Variants in SERTM1 observed in about 807,000 individuals in gnomAD.
The protein encoded by SERTM1 is serine-rich and transmembrane domain-containing protein 1.
Under a neutral mutation model 5.5 loss-of-function variants are expected in SERTM1, and 1 was observed. That is an observed-to-expected ratio of 0.18 (90% CI 0.06 to 0.86). The LOEUF (loss-of-function observed/expected upper bound fraction) is 0.86, where lower values mean the gene tolerates loss of function less well. Ranked by LOEUF, SERTM1 falls within the 40% of genes least tolerant of loss-of-function variation. The pLI, the probability that SERTM1 is intolerant of heterozygous loss-of-function variation, is 0.69. For missense variants in SERTM1, 91 were observed against 122.4 expected, an observed-to-expected ratio of 0.74 and a Z score of 1.21; for synonymous variants, 52 against 55.1, an observed-to-expected ratio of 0.94 and a Z score of 0.25.
chr13:36,676,265 C>T (rs757004002), intron 1 of SERTM1, among the ~76,000 whole-genome samples: 4 of 151,624 alleles, frequency 2.6e-5, no homozygotes, highest in Non-Finnish European at 4.4e-5. Flanking sequence ...TGGAGTTATA[C>T]GTTCATTATA....
rs2056813358 is a variant in SERTM1, at chr13:36,696,286, T to A, written c.*884T>A. ...ATACAGTAATAACTCTTAGCTGTCG[T>A]GTAAGTTCCTTTATTCGGTTTCATA... On this transcript the variant is annotated 3_prime_UTR_variant, in exon 2 of 2. Transcript: ENST00000315190. 6.0e-6 allele frequency: 1 copy of A among 166,868 alleles called. No homozygotes were observed. The highest frequency in any genetic ancestry group is 1.5e-5 in the Non-Finnish European group (1 of 68,116). 10.3% of individuals were successfully genotyped at this position (166,868 alleles called of 1,614,324 possible).
At position 36,695,600 on chromosome 13, in the gene SERTM1, C is replaced by T; in HGVS notation, c.*198C>T. 1.6e-6 allele frequency: 1 copy of T among 611,470 alleles called. No individual in the cohort carries two copies. The highest frequency in any genetic ancestry group is 2.9e-6 in the Non-Finnish European group (1 of 339,306). 37.9% of individuals were successfully genotyped at this position (611,470 alleles called of 1,614,324 possible). A position where few individuals can be genotyped will look rare whatever the true frequency, so the allele number is the denominator to read the frequency against. ...ACACCGATGTTGGTGGAAATGTGTG[C>T]AAACCCCAAGGTGCAGAATTTCACA... On this transcript the variant is annotated 3_prime_UTR_variant, in exon 2 of 2. Coordinates refer to ENST00000315190, the MANE Select transcript of SERTM1 (RefSeq NM_203451.3).
At chr13:36,686,821 T>C (rs548476950) in intron 1 of SERTM1, among the ~76,000 whole-genome samples, 1 of 152,270 alleles carries the variant, frequency 6.6e-6, no homozygotes, top group East Asian at 1.9e-4. Flanking sequence ...GGATCTTACA[T>C]TGAGGATCCT....
At chr13:36,690,030 C>A (rs937112481) in intron 1 of SERTM1, among the ~76,000 whole-genome samples, 1 of 152,048 alleles carries the variant, frequency 6.6e-6, no homozygotes, top group Non-Finnish European at 1.5e-5. Context: ...TTTTATCCAC[C>A]AAAGTACTAT....
At chr13:36,684,280 G>A (rs2056726042) in intron 1 of SERTM1, among the ~76,000 whole-genome samples, 1 of 151,362 alleles carries the variant, frequency 6.6e-6, no homozygotes, top group Non-Finnish European at 1.5e-5. Flanking sequence ...CTGGGCGACA[G>A]AGCGAGACTC....
At position 36,674,089 on chromosome 13, in the gene SERTM1, A is replaced by T. The variant is rs2056654717; in HGVS notation, c.-269A>T. 6.6e-6 allele frequency: 1 copy of T among 152,198 alleles called. No individual in the cohort carries two copies. Among genetic ancestry groups the T allele is most frequent in the Non-Finnish European group, 1.5e-5 (1 of 68,068 alleles). The allele number at this position is 152,198 out of a possible 1,614,324, so 9.4% of individuals were successfully genotyped here. A position where few individuals can be genotyped will look rare whatever the true frequency, so the allele number is the denominator to read the frequency against. On this transcript the variant is annotated 5_prime_UTR_variant, in exon 1 of 2. Transcript: ENST00000315190. ...CGCGCCGCTGCGCCCAACATTCCCG[A>T]GGACGGCTTCGCGGGCGCGTATCGT...
At chr13:36,680,181 C>T (rs535531349) in intron 1 of SERTM1, among the ~76,000 whole-genome samples, 43 of 152,280 alleles carry the variant, frequency 2.8e-4, no homozygotes, top group African/African-American at 8.9e-4. Context: ...GCAAAACTGT[C>T]GTTCTAACAA....
chr13:36,679,632 C>T (rs2056691025), intron 1 of SERTM1, among the ~76,000 whole-genome samples: 1 of 152,120 alleles, frequency 6.6e-6, no homozygotes, highest in Non-Finnish European at 1.5e-5. Context: ...GTCTTGAACT[C>T]CTGACTTCAA....
rs768127097 is a variant in SERTM1, at chr13:36,695,446, C to A, written c.*44C>A. 3.4e-6 allele frequency: 5 copies of A among 1,465,974 alleles called. No homozygotes were observed. The highest frequency in any genetic ancestry group is 3.6e-5 in the Admixed American group (2 of 55,850). The allele number at this position is 1,465,974 out of a possible 1,614,324, so 90.8% of individuals were successfully genotyped here. On this transcript the variant is annotated 3_prime_UTR_variant, in exon 2 of 2. Coordinates refer to ENST00000315190, the MANE Select transcript of SERTM1 (RefSeq NM_203451.3). ...TGAGTGTGGCAGCAGTTTTGACATCCCCTTACGGAAGTGTCCCGTGAGGCA... is the reference window on the plus strand; with the variant it reads ...TGAGTGTGGCAGCAGTTTTGACATCACCTTACGGAAGTGTCCCGTGAGGCA...
At chr13:36,678,679 T>TATATATATATATATATATATATATATA (rs2056684326) in intron 1 of SERTM1, among the ~76,000 whole-genome samples, 1 of 133,682 alleles carries the variant, frequency 7.5e-6, no homozygotes, top group Non-Finnish European at 1.6e-5. Context: ...AAAATAAAAT[T>TATATATATATATATATATATATATATA]TATATATATA....
intron 1 of SERTM1, among the ~76,000 whole-genome samples, chr13:36,674,885 C>T (rs2056660271): frequency 6.6e-6 from 1 of 152,046 alleles, no homozygotes; most frequent in South Asian, 2.1e-4. Flanking sequence ...ACTGCGCCAG[C>T]GACCCTTCCC....
chr13:36,676,356 GTTC>G, intron 1 of SERTM1, among the ~76,000 whole-genome samples: 1 of 151,212 alleles, frequency 6.6e-6, no homozygotes, highest in Middle Eastern at 3.4e-3. Flanking sequence ...TTTGATGATC[GTTC>G]TTCTCTGGCT....
chr13:36,695,131 C>T lies in SERTM1; in HGVS notation c.53C>T (p.Thr18Ile). The change falls in exon 2 of 2, where the codon ACT becomes ATT. Residue 18 changes from threonine (T) to isoleucine (I), a missense_variant. By Grantham distance (89) the Thr-to-Ile change is moderately conservative. Coordinates refer to ENST00000315190, the MANE Select transcript of SERTM1 (RefSeq NM_203451.3). ...TTTTCGGGAAGTGTGGAGAATGGAACTTTTCTTGAGCTGTTTCCCACATCC... is the reference window on the plus strand; with the variant it reads ...TTTTCGGGAAGTGTGGAGAATGGAATTTTTCTTGAGCTGTTTCCCACATCC... ...SGFSGSVENG[T>I]FLELFPTSLS... 1 of 1,614,192 alleles carries T rather than the reference C, an allele frequency of 6.2e-7. No homozygotes were observed.
chr13:36,675,133 C>T (rs971832247), intron 1 of SERTM1, among the ~76,000 whole-genome samples: 1 of 152,174 alleles, frequency 6.6e-6, no homozygotes, highest in Non-Finnish European at 1.5e-5. Context: ...ATCTCAGACT[C>T]TAGAGATGGG....
intron 1 of SERTM1, among the ~76,000 whole-genome samples, chr13:36,679,242 A>T (rs2056688491): frequency 6.6e-6 from 1 of 152,236 alleles, no homozygotes; most frequent in South Asian, 2.1e-4. Context: ...CATTGGCATG[A>T]TGCCACAGTG....
At chr13:36,683,753 A>G (rs1355026907) in intron 1 of SERTM1, among the ~76,000 whole-genome samples, 1 of 152,190 alleles carries the variant, frequency 6.6e-6, no homozygotes, top group African/African-American at 2.4e-5. Flanking sequence ...ATTGGTCAAA[A>G]TAAGTCATAC....
intron 1 of SERTM1, 139 bp from the exon 2 acceptor site, chr13:36,694,767 G>C (rs1299198541): frequency 2.9e-6 from 1 of 348,304 alleles, no homozygotes; most frequent in Admixed American, 4.4e-5. Flanking sequence ...ACATAAACAT[G>C]ACTGATTCCT....
intron 1 of SERTM1, among the ~76,000 whole-genome samples, chr13:36,689,995 G>A (rs1223760336): frequency 6.6e-6 from 1 of 152,036 alleles, no homozygotes; most frequent in African/African-American, 2.4e-5. Flanking sequence ...CTGATACCAA[G>A]CTATTAATTT....
chr13:36,680,805 T>C (rs978486892), intron 1 of SERTM1, among the ~76,000 whole-genome samples: 3 of 152,180 alleles, frequency 2.0e-5, no homozygotes, highest in Admixed American at 2.0e-4. Flanking sequence ...CAGGCTGGAG[T>C]GCAGTGGTGC....
Sources: allele counts gnomAD v4.1 joint callset (sites outside exome capture counted in the v4.1 genomes callset), GRCh38; gene constraint gnomAD v4.1.1; transcripts MANE v1.5; gene names NCBI Gene and HGNC (gene_info 2026-07-23, HGNC 2026-07-21).